DNAH11: variants seen among roughly 807,000 people sequenced by gnomAD.
DNAH11 encodes the protein axonemal beta dynein heavy chain 11.
Under a neutral mutation model 526.0 loss-of-function variants are expected in DNAH11, and 442 were observed. That is an observed-to-expected ratio of 0.84 (90% CI 0.78 to 0.91). The LOEUF (loss-of-function observed/expected upper bound fraction) is 0.91. Ranked by LOEUF, DNAH11 falls within the 40% of genes least tolerant of loss-of-function variation. DNAH11 has a pLI of 0.00. For synonymous variants in DNAH11, 2,461 were observed against 1,935.9 expected, an observed-to-expected ratio of 1.27 and a Z score of -7.12; for missense variants, 6,989 against 5,448.7, an observed-to-expected ratio of 1.28 and a Z score of -8.90.
chr7:21,614,758 A>G (rs1366300538), intron 20 of DNAH11, among the ~76,000 whole-genome samples: 1 of 152,172 alleles, frequency 6.6e-6, no homozygotes, highest in Non-Finnish European at 1.5e-5. Context: ...TCATTCTTAC[A>G]TGGAAGTTTC....
At chr7:21,647,963 A>G (rs1787437627) in intron 28 of DNAH11, among the ~76,000 whole-genome samples, 1 of 152,174 alleles carries the variant, frequency 6.6e-6, no homozygotes, top group Non-Finnish European at 1.5e-5. Context: ...ATCTATACCA[A>G]AAAATTATGA....
chr7:21,686,077 G>A (rs75122569), intron 32 of DNAH11, among the ~76,000 whole-genome samples: 6,369 of 152,260 alleles, frequency 0.042, 199 homozygotes, highest in East Asian at 0.13. Flanking sequence ...CTCATTCATT[G>A]TAAGATACAC....
intron 30 of DNAH11, among the ~76,000 whole-genome samples, chr7:21,679,369 A>G (rs1783045973): frequency 6.6e-6 from 1 of 152,222 alleles, no homozygotes; most frequent in Admixed American, 6.5e-5. Context: ...GAAATTTGCT[A>G]AGAGAGTAAA....
intron 54 of DNAH11, among the ~76,000 whole-genome samples, chr7:21,754,455 A>G (rs939465177): frequency 6.6e-6 from 1 of 151,998 alleles, no homozygotes; most frequent in Non-Finnish European, 1.5e-5. Context: ...ACTGAAACTG[A>G]GATCAGTTTT....
At chr7:21,627,190 A>G (rs568849029) in intron 25 of DNAH11, among the ~76,000 whole-genome samples, 2 of 152,130 alleles carry the variant, frequency 1.3e-5, no homozygotes, top group Non-Finnish European at 2.9e-5. Context: ...TCAGATGAGT[A>G]GTTTGCAAAT....
At chr7:21,623,511 C>T (rs1479011489) in intron 25 of DNAH11, among the ~76,000 whole-genome samples, 1 of 152,178 alleles carries the variant, frequency 6.6e-6, no homozygotes, top group African/African-American at 2.4e-5. Context: ...AAGACACATG[C>T]ACACGTATGT....
rs1264586850 is a variant in DNAH11 at position 21,756,740 on chromosome 7, C to T, written c.8940+6376C>T. Among the ~76,000 whole-genome samples the T allele has an allele frequency of 3.9e-5, 6 of 152,152 alleles. No individual in the cohort carries two copies. The East Asian group carries it at 1.2e-3, about 29-fold the overall frequency. On this transcript the variant is annotated intron_variant, in intron 54 of 81. Coordinates refer to ENST00000409508, the MANE Select transcript of DNAH11 (RefSeq NM_001277115.2). The stretch of plus-strand genomic sequence containing the variant: ...TTTGATTTTCTTACTCGTTTTTATT[C>T]TGGCTGAACTTTAAAATCACTTTGC...
chr7:21,702,545 G>A (rs796119439), intron 36 of DNAH11, among the ~76,000 whole-genome samples, 165 bp from the exon 37 acceptor site: 8 of 152,172 alleles, frequency 5.3e-5, no homozygotes, highest in African/African-American at 1.7e-4. Flanking sequence ...ACACTACAGG[G>A]ACATGATTTT....
intron 2 of DNAH11, among the ~76,000 whole-genome samples, chr7:21,555,580 C>T (rs1377336116): frequency 6.6e-6 from 1 of 152,200 alleles, no homozygotes; most frequent in South Asian, 2.1e-4. Flanking sequence ...TCCGCACTTG[C>T]TTCATATCTA....
chr7:21,882,916 C>G (rs957069013), intron 75 of DNAH11, among the ~76,000 whole-genome samples: 3 of 152,096 alleles, frequency 2.0e-5, no homozygotes, highest in African/African-American at 7.2e-5. Context: ...AAAAGAGATA[C>G]ATATTGAATA....
intron 74 of DNAH11, among the ~76,000 whole-genome samples, chr7:21,874,928 C>T (rs1030727749): frequency 1.3e-5 from 2 of 152,068 alleles, no homozygotes; most frequent in African/African-American, 4.8e-5. Flanking sequence ...AATATTCAGC[C>T]CCCTCTTAGA....
intron 12 of DNAH11, 47 bp downstream of exon 12, chr7:21,589,450 A>G: frequency 6.9e-7 from 1 of 1,448,318 alleles, no homozygotes; most frequent in Non-Finnish European, 9.4e-7. Flanking sequence ...CCTTTTTATT[A>G]TAAGCCTATT....
chr7:21,769,907 T>C (rs534683424), intron 55 of DNAH11, among the ~76,000 whole-genome samples: 8 of 152,184 alleles, frequency 5.3e-5, no homozygotes, highest in Non-Finnish European at 8.8e-5. Context: ...AATTGTTGGC[T>C]TCTGCTGGAC....
chr7:21,666,059 G>T (rs1034962289), intron 30 of DNAH11, among the ~76,000 whole-genome samples: 5 of 151,910 alleles, frequency 3.3e-5, no homozygotes, highest in African/African-American at 1.2e-4. Context: ...TTTAAAACTG[G>T]TATCAGAGTT....
intron 30 of DNAH11, among the ~76,000 whole-genome samples, chr7:21,671,692 T>A (rs1282886240): frequency 6.6e-6 from 1 of 152,180 alleles, no homozygotes; most frequent in East Asian, 1.9e-4. Flanking sequence ...TTCTTCTACT[T>A]ACTTTGAGCT....
At chr7:21,808,628 A>G (rs1298230291) in intron 63 of DNAH11, among the ~76,000 whole-genome samples, 1 of 152,204 alleles carries the variant, frequency 6.6e-6, no homozygotes, top group African/African-American at 2.4e-5. Flanking sequence ...ATGTAAGAAC[A>G]TACGATATTT....
intron 25 of DNAH11, among the ~76,000 whole-genome samples, chr7:21,624,681 T>C (rs1367295653): frequency 1.3e-5 from 2 of 152,188 alleles, no homozygotes; most frequent in Non-Finnish European, 2.9e-5. Context: ...ATTAGCTGTG[T>C]GCTTTTCATG....
At chr7:21,821,183 G>A (rs1562566020) in intron 65 of DNAH11, among the ~76,000 whole-genome samples, 1 of 152,138 alleles carries the variant, frequency 6.6e-6, no homozygotes. Context: ...GATGTATATA[G>A]GAATGAGAGT....
At chr7:21,880,663 A>T in intron 74 of DNAH11, 39 bp from the exon 75 acceptor site, 2 of 1,609,310 alleles carry the variant, frequency 1.2e-6, no homozygotes, top group Non-Finnish European at 1.7e-6. Context: ...TGGAAACCAT[A>T]CAGATGGATA....
Sources: allele counts gnomAD v4.1 joint callset (sites outside exome capture counted in the v4.1 genomes callset), GRCh38; gene constraint gnomAD v4.1.1; transcripts MANE v1.5; gene names NCBI Gene and HGNC (gene_info 2026-07-23, HGNC 2026-07-21).